The following ADGRA3 variants were observed in gnomAD, a reference collection of about 807,000 sequenced individuals.
ADGRA3 encodes G-protein coupled receptor 125.
A neutral mutation model predicts 119.8 loss-of-function variants in ADGRA3; 56 were observed. The observed-to-expected ratio is 0.47, with a 90% CI of 0.38 to 0.58. ADGRA3 has a LOEUF of 0.58. ADGRA3 is among the 20% of genes least tolerant of loss of function. The pLI is 0.00. For synonymous variants in ADGRA3, 607 were observed against 623.8 expected (o/e 0.97, Z 0.40); for missense variants, 1,516 against 1,649.0 (o/e 0.92, Z 1.40).
intron 14 of ADGRA3, among the ~76,000 whole-genome samples, chr4:22,409,089 G>A (rs1218056336): frequency 6.6e-6 from 1 of 152,212 alleles, no homozygotes; most frequent in Middle Eastern, 3.2e-3. Context: ...GGTTCCTGGA[G>A]ATGGTGGCAG....
At chr4:22,443,145 G>T in intron 6 of ADGRA3, 1 of 659,344 alleles carries the variant, frequency 1.5e-6, no homozygotes, top group East Asian at 2.7e-5. Context: ...TGAACTAAAA[G>T]AACAAGCTGT....
Position 22,387,826 on chromosome 4 carries a change from C to T in ADGRA3, c.3845G>A (p.Gly1282Asp), listed in dbSNP as rs149299752. 5.0e-6 allele frequency: 8 copies of T among 1,614,092 alleles called. No homozygotes were observed. In the African/African-American group the frequency reaches 6.7e-5, roughly 13 times the overall value. The change falls in exon 19 of 19, where the codon GGC (glycine) becomes GAC (aspartate). Residue 1282 changes from glycine (G) to aspartate (D), a missense_variant. By Grantham distance (94) the Gly-to-Asp change is moderately conservative. Transcript: ENST00000334304. ...VELENQQKSY[G>D]LNLAIQNGPI... Reference sequence around the variant, plus strand: ...TCCATTCTGAATGGCCAAGTTGAGGCCATAAGATTTTTGCTGATTTTCAAG... The same window carrying T: ...TCCATTCTGAATGGCCAAGTTGAGGTCATAAGATTTTTGCTGATTTTCAAG...
chr4:22,499,321 C>T (rs1180633695), intron 1 of ADGRA3, among the ~76,000 whole-genome samples: 1 of 152,202 alleles, frequency 6.6e-6, no homozygotes, highest in Non-Finnish European at 1.5e-5. Context: ...TCAGTAAAGA[C>T]AGCCTAGTTC....
intron 13 of ADGRA3, 91 bp downstream of exon 13, chr4:22,413,510 G>T: frequency 7.1e-7 from 1 of 1,403,190 alleles, no homozygotes; most frequent in South Asian, 1.2e-5. Flanking sequence ...TCATTAAAAC[G>T]AGAAAACACT....
intron 12 of ADGRA3, chr4:22,414,509 C>G (rs1046059753): frequency 1.6e-6 from 1 of 617,774 alleles, no homozygotes; most frequent in Admixed American, 2.9e-5. Flanking sequence ...GAACAATTAA[C>G]CATCTAAAAA....
At chr4:22,508,464 A>C (rs984046270) in intron 1 of ADGRA3, among the ~76,000 whole-genome samples, 6 of 152,238 alleles carry the variant, frequency 3.9e-5, no homozygotes, top group Admixed American at 3.9e-4. Context: ...CACTGTGTTT[A>C]CAACGTAACA....
chr4:22,486,542 C>T (rs1488693314), intron 1 of ADGRA3, among the ~76,000 whole-genome samples: 3 of 152,184 alleles, frequency 2.0e-5, no homozygotes, highest in Non-Finnish European at 4.4e-5. Flanking sequence ...ATGTCCCTGA[C>T]CACAACCCTT....
intron 1 of ADGRA3, among the ~76,000 whole-genome samples, chr4:22,511,429 T>C (rs73114194): frequency 0.14 from 19,738 of 141,684 alleles, 1,548 homozygotes; most frequent in East Asian, 0.35. Flanking sequence ...GCCAGACCTT[T>C]CTTTAAGCAT....
chr4:22,500,301 G>A (rs112558303), intron 1 of ADGRA3, among the ~76,000 whole-genome samples: 1 of 152,196 alleles, frequency 6.6e-6, no homozygotes, highest in Non-Finnish European at 1.5e-5. Flanking sequence ...CAGCCTATGT[G>A]TAACCTGAGA....
intron 1 of ADGRA3, among the ~76,000 whole-genome samples, chr4:22,502,201 GTTT>G (rs1367102534): frequency 9.9e-5 from 15 of 152,182 alleles, no homozygotes; most frequent in African/African-American, 3.6e-4. Context: ...TGAAAGAATG[GTTT>G]AAGTAGTAAA....
At chr4:22,480,200 A>C (rs1718218726) in intron 1 of ADGRA3, among the ~76,000 whole-genome samples, 1 of 152,242 alleles carries the variant, frequency 6.6e-6, no homozygotes, top group Non-Finnish European at 1.5e-5. Context: ...TTGAACAGAT[A>C]GTTCAGGAAA....
chr4:22,454,887 C>A lies in ADGRA3; in HGVS notation c.452G>T (p.Gly151Val). ...TTACAGCCGAACCAGATTGGTGAGTCCTCGAAATATGTCTGCATTCAGACA... is the reference window on the plus strand; with the variant it reads ...TTACAGCCGAACCAGATTGGTGAGTACTCGAAATATGTCTGCATTCAGACA... ...IGCLNADIFR[G>V]LTNLVRLNLS... The change falls in exon 4 of 19, where the codon GGA becomes GTA. Residue 151 changes from glycine to valine, a missense_variant. Transcript: ENST00000334304. 1 of 1,613,614 alleles carries A rather than the reference C, an allele frequency of 6.2e-7. No individual in the cohort carries two copies. The highest frequency in any genetic ancestry group is 1.1e-5 in the South Asian group (1 of 91,054).
chr4:22,439,681 TAG>T (rs2109068023), intron 7 of ADGRA3, among the ~76,000 whole-genome samples: 1 of 152,266 alleles, frequency 6.6e-6, no homozygotes, highest in East Asian at 1.9e-4. Flanking sequence ...ATTTTTAAAA[TAG>T]AGTGACACAA....
intron 1 of ADGRA3, among the ~76,000 whole-genome samples, chr4:22,492,585 T>G (rs1424477603): frequency 6.6e-6 from 1 of 152,170 alleles, no homozygotes; most frequent in African/African-American, 2.4e-5. Context: ...CAGAATATGT[T>G]AGCTGTTGAA....
chr4:22,459,013 A>G (rs897321669), intron 3 of ADGRA3, among the ~76,000 whole-genome samples: 2 of 152,200 alleles, frequency 1.3e-5, no homozygotes, highest in African/African-American at 4.8e-5. Flanking sequence ...TTTAAAAGAC[A>G]AAGAGAAAAT....
intron 1 of ADGRA3, among the ~76,000 whole-genome samples, chr4:22,512,057 C>T (rs1243704811): frequency 5.5e-5 from 2 of 36,064 alleles, no homozygotes; most frequent in African/African-American, 2.1e-4. Flanking sequence ...CAAGCCACCA[C>T]ATCCAGCTAA....
At chr4:22,436,693 C>G (rs1716409312) in intron 8 of ADGRA3, 52 bp from the exon 9 acceptor site, 1 of 1,448,206 alleles carries the variant, frequency 6.9e-7, no homozygotes, top group Non-Finnish European at 9.7e-7. Context: ...ACGGGTACAT[C>G]AAGAATAACA....
chr4:22,392,942 CTTA>C, intron 16 of ADGRA3: 1 of 403,922 alleles, frequency 2.5e-6, no homozygotes, highest in South Asian at 4.7e-5. Flanking sequence ...AAAGACGACC[CTTA>C]ATACAGGACA....
chr4:22,455,474 G>A (rs2109092921), intron 3 of ADGRA3, among the ~76,000 whole-genome samples: 1 of 151,946 alleles, frequency 6.6e-6, no homozygotes, highest in East Asian at 1.9e-4. Flanking sequence ...AACTGTGTTA[G>A]CTTTTAGTTT....
Sources: allele counts gnomAD v4.1 joint callset (sites outside exome capture counted in the v4.1 genomes callset), GRCh38; gene constraint gnomAD v4.1.1; transcripts MANE v1.5; gene names NCBI Gene and HGNC (gene_info 2026-07-23, HGNC 2026-07-21).